The following RASAL2 variants were observed in gnomAD, a reference collection of about 807,000 sequenced individuals.
The protein encoded by RASAL2 is RAS protein activator like 2, also known as ras GTPase-activating protein nGAP.
In RASAL2, 58 loss-of-function variants were observed where a neutral mutation model predicts 128.9. The observed-to-expected ratio is 0.45, with a 90% CI of 0.36 to 0.56. The LOEUF is 0.56. Ranked by LOEUF, RASAL2 falls within the 20% of genes least tolerant of loss-of-function variation. The probability of loss-of-function intolerance (pLI) is 0.00; values close to 1 mark genes in which losing one functional copy is unlikely to be tolerated. For synonymous variants in RASAL2, 561 were observed against 580.8 expected (o/e 0.97, Z 0.49); for missense variants, 1,360 against 1,601.6 (o/e 0.85, Z 2.57).
chr1:178,360,320 C>T (rs1671041146), intron 3 of RASAL2, among the ~76,000 whole-genome samples: 1 of 152,118 alleles, frequency 6.6e-6, no homozygotes, highest in Non-Finnish European at 1.5e-5. Context: ...TTTACTTAGC[C>T]AGACATGAAA....
intron 3 of RASAL2, among the ~76,000 whole-genome samples, chr1:178,362,904 T>G (rs2102485268): frequency 6.6e-6 from 1 of 152,308 alleles, no homozygotes; most frequent in East Asian, 1.9e-4. Flanking sequence ...AGTTTCTTTA[T>G]TCGTCAACAG....
chr1:178,447,112 C>T (rs771712345), intron 9 of RASAL2, among the ~76,000 whole-genome samples: 4 of 152,164 alleles, frequency 2.6e-5, no homozygotes, highest in African/African-American at 9.7e-5. Context: ...TGGAGAGCCA[C>T]TGAAAGTTTT....
At chr1:178,240,551 A>G (rs1282464654) in intron 1 of RASAL2, among the ~76,000 whole-genome samples, 1 of 152,022 alleles carries the variant, frequency 6.6e-6, no homozygotes, top group Non-Finnish European at 1.5e-5. Flanking sequence ...CATTGAAAAA[A>G]GACCACTTTA....
chr1:178,206,173 T>G (rs1262942292), intron 1 of RASAL2, among the ~76,000 whole-genome samples: 3 of 152,136 alleles, frequency 2.0e-5, no homozygotes, highest in African/African-American at 7.2e-5. Context: ...AGACGAAAGT[T>G]TCAGGAAAGA....
At chr1:178,398,224 T>G (rs531747734) in intron 4 of RASAL2, among the ~76,000 whole-genome samples, 1 of 152,250 alleles carries the variant, frequency 6.6e-6, no homozygotes, top group South Asian at 2.1e-4. Context: ...CTACTTTTAC[T>G]CAAGGATGTA....
At chr1:178,325,014 T>A (rs188154920) in intron 3 of RASAL2, among the ~76,000 whole-genome samples, 1 of 152,336 alleles carries the variant, frequency 6.6e-6, no homozygotes, top group East Asian at 1.9e-4. Flanking sequence ...TGGTTACTTT[T>A]ATTTCTGTAA....
At chr1:178,237,699 A>G (rs762602558) in intron 1 of RASAL2, among the ~76,000 whole-genome samples, 3 of 152,168 alleles carry the variant, frequency 2.0e-5, no homozygotes, top group Non-Finnish European at 2.9e-5. Context: ...ACACAATTCA[A>G]TTACTTTTTT....
chr1:178,207,613 A>C (rs947130201), intron 1 of RASAL2, among the ~76,000 whole-genome samples: 1 of 152,184 alleles, frequency 6.6e-6, no homozygotes, highest in Admixed American at 6.5e-5. Flanking sequence ...TAAAGTATTG[A>C]GTGATGGGAT....
At chr1:178,267,281 C>T (rs548413322) in intron 1 of RASAL2, among the ~76,000 whole-genome samples, 42 of 152,176 alleles carry the variant, frequency 2.8e-4, no homozygotes, top group African/African-American at 9.9e-4. Flanking sequence ...TACACTGTTG[C>T]TTTTTTATTC....
At chr1:178,178,166 A>T (rs888729314) in intron 1 of RASAL2, among the ~76,000 whole-genome samples, 2 of 152,154 alleles carry the variant, frequency 1.3e-5, no homozygotes, top group South Asian at 2.1e-4. Flanking sequence ...ATTCAATAGG[A>T]ATAATAAATC....
chr1:178,360,283 A>G (rs1287452423), intron 3 of RASAL2, among the ~76,000 whole-genome samples: 1 of 152,096 alleles, frequency 6.6e-6, no homozygotes, highest in Non-Finnish European at 1.5e-5. Flanking sequence ...GATTGGAGAA[A>G]AGGTGTTCTG....
Position 178,345,095 on chromosome 1 carries a change from G to A in RASAL2, c.457+44977G>A, listed in dbSNP as rs1035734963. ...TACCCTCCTTGCCCCTACTCAAACC[G>A]TGTCATTAAGCTGAATTGGAAATAC... is the stretch of plus-strand genomic sequence containing the variant. On this transcript the variant is annotated intron_variant, in intron 3 of 17. Coordinates refer to ENST00000367649, the MANE Select transcript of RASAL2 (RefSeq NM_170692.4). Among the ~76,000 whole-genome samples the A allele has an allele frequency of 3.9e-5, 6 of 152,208 alleles. No individual in the cohort carries two copies. In the South Asian group the frequency reaches 6.2e-4, roughly 16 times the overall value.
At chr1:178,173,914 T>TAAA (rs1553256261) in intron 1 of RASAL2, among the ~76,000 whole-genome samples, 3,168 of 150,476 alleles carry the variant, frequency 0.021, 53 homozygotes, top group Non-Finnish European at 0.032. Context: ...TTTTTTTTTT[T>TAAA]AAAAAAGTTC....
At chr1:178,420,749 G>A (rs903260993) in intron 5 of RASAL2, 129 bp downstream of exon 5, 17 of 654,596 alleles carry the variant, frequency 2.6e-5, no homozygotes, top group Middle Eastern at 4.3e-4. Flanking sequence ...CTTTTATGTC[G>A]TGTTCATATT....
At chr1:178,340,226 C>T (rs940388414) in intron 3 of RASAL2, among the ~76,000 whole-genome samples, 3 of 152,020 alleles carry the variant, frequency 2.0e-5, no homozygotes, top group Non-Finnish European at 1.5e-5. Context: ...GTGTTTCCAT[C>T]AGCTGTTAAA....
At chr1:178,240,168 A>AGTT (rs1278981975) in intron 1 of RASAL2, among the ~76,000 whole-genome samples, 2 of 152,070 alleles carry the variant, frequency 1.3e-5, no homozygotes, top group Non-Finnish European at 2.9e-5. Context: ...GAACAAGGTC[A>AGTT]GTTGCTAGTG....
intron 1 of RASAL2, among the ~76,000 whole-genome samples, chr1:178,247,724 CTT>C (rs1664838767): frequency 6.6e-6 from 1 of 152,192 alleles, no homozygotes; most frequent in African/African-American, 2.4e-5. Context: ...AAATTTCCCT[CTT>C]AACACTGCCT....
chr1:178,263,952 A>G (rs1213474303), intron 1 of RASAL2, among the ~76,000 whole-genome samples: 1 of 152,184 alleles, frequency 6.6e-6, no homozygotes, highest in African/African-American at 2.4e-5. Flanking sequence ...AGCGTGTGCC[A>G]TTGTGCTCTG....
intron 1 of RASAL2, among the ~76,000 whole-genome samples, chr1:178,129,206 A>G (rs958099808): frequency 6.6e-6 from 1 of 152,070 alleles, no homozygotes; most frequent in African/African-American, 2.4e-5. Flanking sequence ...TTCCACTAGT[A>G]TTGTATAAGG....
Sources: gnomAD v4.1 joint callset for allele counts (sites outside exome capture counted in the v4.1 genomes callset) on GRCh38, gnomAD v4.1.1 for gene constraint, MANE v1.5 for transcripts, NCBI Gene and HGNC (gene_info 2026-07-23, HGNC 2026-07-21) for gene names.